TAOK1: variants seen among roughly 807,000 people sequenced by gnomAD.
The protein encoded by TAOK1 is serine/threonine-protein kinase TAO1.
In TAOK1, 21 loss-of-function variants were observed where a neutral mutation model predicts 138.3. The ratio of observed to expected loss-of-function variants is 0.15; its 90% CI spans 0.11 to 0.22. The LOEUF is 0.22. Ranked by LOEUF, TAOK1 falls within the 10% of genes least tolerant of loss-of-function variation. The probability of loss-of-function intolerance (pLI) is 1.00; values close to 1 mark genes in which losing one functional copy is unlikely to be tolerated. For missense variants in TAOK1, 651 were observed against 1,227.7 expected (o/e 0.53, Z 7.02); for synonymous variants, 361 against 398.4 (o/e 0.91, Z 1.12).
In TAOK1 at chr17:29,508,227, G is replaced by C. The variant is rs866553637; in HGVS notation, c.1575+95G>C. On this transcript the variant is annotated intron_variant, in intron 14 of 19. Coordinates refer to ENST00000261716, the MANE Select transcript of TAOK1 (RefSeq NM_020791.4). The stretch of plus-strand genomic sequence containing the variant: ...GTTTGATGTTAGCGTATCTGTTCCC[G>C]TGAACCAAGCAAATTGGGGAAAAGG... The C allele has an allele frequency of 2.0e-5, 21 of 1,045,778 alleles. No individual in the cohort carries two copies. In the Middle Eastern group the frequency reaches 4.5e-3, roughly 226 times the overall value. The allele number at this position is 1,045,778 out of a possible 1,614,324, so 64.8% of individuals were successfully genotyped here. A position where few individuals can be genotyped will look rare whatever the true frequency, so the allele number is the denominator to read the frequency against.
At chr17:29,438,385 A>T (rs1011724972) in intron 1 of TAOK1, among the ~76,000 whole-genome samples, 1 of 152,202 alleles carries the variant, frequency 6.6e-6, no homozygotes, top group Non-Finnish European at 1.5e-5. Context: ...GCAAATACCT[A>T]TAAAGCTATC....
rs568493716 is a variant in TAOK1, at chr17:29,416,496, G to A, written c.-95+25472G>A. Among the ~76,000 whole-genome samples the A allele has an allele frequency of 2.8e-4, 42 of 151,746 alleles. No homozygotes were observed. The South Asian group carries it at 8.5e-3, about 31-fold the overall frequency. On this transcript the variant is annotated intron_variant, in intron 1 of 19. Coordinates refer to ENST00000261716, the MANE Select transcript of TAOK1 (RefSeq NM_020791.4). ...GAAATTAATTGGATCATCGGAAAAG[G>A]GGCAGTTATACATTGGAAATGTATA...
At chr17:29,492,315 G>A (rs1361676665) in intron 10 of TAOK1, among the ~76,000 whole-genome samples, 1 of 152,096 alleles carries the variant, frequency 6.6e-6, no homozygotes, top group Admixed American at 6.6e-5. Flanking sequence ...CGTTGTTTCT[G>A]ATAACTTTTC....
intron 6 of TAOK1, 147 bp from the exon 7 acceptor site, chr17:29,480,221 C>G (rs1431769063): frequency 2.3e-6 from 1 of 432,168 alleles, no homozygotes; most frequent in Non-Finnish European, 4.0e-6. Context: ...AATATTAATT[C>G]TCCTTATCCC....
intron 19 of TAOK1, among the ~76,000 whole-genome samples, chr17:29,538,184 C>T (rs971629956): frequency 2.0e-5 from 3 of 150,598 alleles, no homozygotes; most frequent in Non-Finnish European, 4.4e-5. Flanking sequence ...TAAATGATGT[C>T]TGCAAAACCA....
chr17:29,532,051 G>A (rs1436738613), intron 18 of TAOK1, among the ~76,000 whole-genome samples: 1 of 151,926 alleles, frequency 6.6e-6, no homozygotes, highest in African/African-American at 2.4e-5. Flanking sequence ...TAGTGGAGAC[G>A]GGGTTTCACC....
At chr17:29,517,787 A>AT in intron 16 of TAOK1, 131 bp downstream of exon 16, 2 of 798,898 alleles carry the variant, frequency 2.5e-6, no homozygotes, top group Non-Finnish European at 3.9e-6. Context: ...TTCCCCAGAT[A>AT]TTCACATGGA....
intron 7 of TAOK1, among the ~76,000 whole-genome samples, chr17:29,481,563 T>C (rs1265393827): frequency 6.6e-6 from 1 of 152,134 alleles, no homozygotes; most frequent in African/African-American, 2.4e-5. Context: ...ATATGAAATA[T>C]TATAATCTGC....
At chr17:29,434,147 A>G (rs1035505531) in intron 1 of TAOK1, among the ~76,000 whole-genome samples, 4 of 152,206 alleles carry the variant, frequency 2.6e-5, no homozygotes, top group African/African-American at 9.6e-5. Flanking sequence ...CCGACTGGTA[A>G]AGAAACTTTA....
At chr17:29,497,566 C>T (rs555365849) in intron 11 of TAOK1, among the ~76,000 whole-genome samples, 2 of 151,812 alleles carry the variant, frequency 1.3e-5, no homozygotes, top group East Asian at 1.9e-4. Flanking sequence ...TACAGCTGCC[C>T]GTTTACATCA....
At chr17:29,541,876 C>T (rs1299258889) in intron 19 of TAOK1, among the ~76,000 whole-genome samples, 2 of 151,696 alleles carry the variant, frequency 1.3e-5, no homozygotes, top group Non-Finnish European at 2.9e-5. Flanking sequence ...TTTTATTTTA[C>T]TTTTTATTTT....
In TAOK1 at chr17:29,530,389, A is replaced by ATTTTT; in HGVS notation, c.2149-13_2149-9dup. ...CTTTCGTTACAACTTACATAAATGT[A>ATTTTT]TTTTTTTTTCTTCCCAGTCTAAAGA... is the stretch of plus-strand genomic sequence containing the variant. On this transcript the variant is annotated splice_polypyrimidine_tract_variant and intron_variant, in intron 17 of 19. Transcript: ENST00000261716. The ATTTTT allele has an allele frequency of 6.3e-7, 1 of 1,583,344 alleles. No homozygotes were observed. Among genetic ancestry groups the ATTTTT allele is most frequent in the Non-Finnish European group, 8.7e-7 (1 of 1,155,164 alleles).
chr17:29,411,668 C>T (rs1413295548), intron 1 of TAOK1, among the ~76,000 whole-genome samples: 7 of 152,144 alleles, frequency 4.6e-5, no homozygotes, highest in African/African-American at 1.4e-4. Flanking sequence ...GCTGGGATTA[C>T]AGGCGAGAGC....
intron 19 of TAOK1, among the ~76,000 whole-genome samples, chr17:29,537,958 A>G (rs2032251071): frequency 6.6e-6 from 1 of 152,032 alleles, no homozygotes; most frequent in Non-Finnish European, 1.5e-5. Flanking sequence ...CTAAAAATAC[A>G]AAAATTAGCT....
chr17:29,449,071 C>G (rs1282947431), intron 1 of TAOK1, among the ~76,000 whole-genome samples: 1 of 151,978 alleles, frequency 6.6e-6, no homozygotes, highest in Non-Finnish European at 1.5e-5. Context: ...GATCATGGAC[C>G]CAGCTAGAAA....
chr17:29,495,876 T>TA (rs897378202), intron 11 of TAOK1, 149 bp downstream of exon 11: 2 of 673,494 alleles, frequency 3.0e-6, no homozygotes, highest in Non-Finnish European at 2.2e-6. Flanking sequence ...CAGTTAGGAA[T>TA]AAAAAAAGGT....
intron 13 of TAOK1, among the ~76,000 whole-genome samples, chr17:29,505,287 C>T (rs2031609560): frequency 6.6e-6 from 1 of 152,060 alleles, no homozygotes; most frequent in East Asian, 1.9e-4. Context: ...AGAGTTTTTA[C>T]AATTCTATAC....
chr17:29,502,481 T>C lies in TAOK1; in HGVS notation c.1204-108T>C, dbSNP rs2031547746. On this transcript the variant is annotated intron_variant, in intron 12 of 19. Coordinates refer to ENST00000261716, the MANE Select transcript of TAOK1 (RefSeq NM_020791.4). ...TACTTTTTGGCTTTGCTTTTTAAAA[T>C]TATGTCTTTGAGATTGATTGATCAA... 3 of 1,284,078 alleles carry C rather than the reference T, an allele frequency of 2.3e-6. No homozygotes were observed. The African/African-American group carries it at 4.5e-5, about 19-fold the overall frequency. The allele number at this position is 1,284,078 out of a possible 1,614,324, so 79.5% of individuals were successfully genotyped here.
intron 19 of TAOK1, among the ~76,000 whole-genome samples, chr17:29,539,970 A>G (rs893133992): frequency 6.6e-6 from 1 of 152,196 alleles, no homozygotes; most frequent in African/African-American, 2.4e-5. Context: ...GGAGTGATGT[A>G]CTCTATAGCG....
Sources: gnomAD v4.1 joint callset for allele counts (sites outside exome capture counted in the v4.1 genomes callset) on GRCh38, gnomAD v4.1.1 for gene constraint, MANE v1.5 for transcripts, NCBI Gene and HGNC (gene_info 2026-07-23, HGNC 2026-07-21) for gene names.